Variants in ZFYVE26 observed in about 807,000 individuals in gnomAD.
ZFYVE26 encodes the protein zinc finger FYVE-type containing 26.
A neutral mutation model predicts 276.5 loss-of-function variants in ZFYVE26; 181 were observed. The ratio of observed to expected loss-of-function variants is 0.65; its 90% CI spans 0.58 to 0.74. The LOEUF is 0.74. ZFYVE26 is among the 30% of genes least tolerant of loss of function. ZFYVE26 has a pLI of 0.00. For synonymous variants in ZFYVE26, 1,129 were observed against 1,203.1 expected, an observed-to-expected ratio of 0.94 and a Z score of 1.27; for missense variants, 2,821 against 3,097.9, an observed-to-expected ratio of 0.91 and a Z score of 2.12.
At chr14:67,764,414 T>TCTCA (rs1328057357) in intron 32 of ZFYVE26, among the ~76,000 whole-genome samples, 2 of 152,136 alleles carry the variant, frequency 1.3e-5, no homozygotes, top group African/African-American at 4.8e-5. Context: ...AGAGACAGGG[T>TCTCA]CTCACTACAT....
chr14:67,810,104 C>A (rs2040269719), intron 3 of ZFYVE26, among the ~76,000 whole-genome samples: 1 of 152,156 alleles, frequency 6.6e-6, no homozygotes, highest in Non-Finnish European at 1.5e-5. Context: ...TCTTTATAAA[C>A]AAAAATAGCT....
chr14:67,753,940 T>C, intron 38 of ZFYVE26, 131 bp downstream of exon 38: 1 of 1,537,494 alleles, frequency 6.5e-7, no homozygotes, highest in Non-Finnish European at 9.0e-7. Context: ...CACCAGTCTT[T>C]GGTGGCTCAT....
rs530515248 is a variant in ZFYVE26, at chr14:67,748,318, C to T, written c.*118G>A. ...CAAGTAGGGTCCAATCCAACTCTTT[C>T]CAACCTAGGGCAGAGCCAGAGAAGT... is the stretch of plus-strand genomic sequence containing the variant. On this transcript the variant is annotated 3_prime_UTR_variant, in exon 42 of 42. Transcript: ENST00000347230. 4.5e-4 allele frequency: 541 copies of T among 1,214,154 alleles called. 6 individuals carry two copies. The South Asian group carries it at 5.6e-3, about 13-fold the overall frequency. The allele number at this position is 1,214,154 out of a possible 1,614,324, so 75.2% of individuals were successfully genotyped here. A position where few individuals can be genotyped will look rare whatever the true frequency, so the allele number is the denominator to read the frequency against.
chr14:67,752,300 A>G, intron 40 of ZFYVE26, 44 bp downstream of exon 40: 2 of 1,579,168 alleles, frequency 1.3e-6, no homozygotes, highest in Non-Finnish European at 1.7e-6. Flanking sequence ...ATGTGAAGAC[A>G]CTGAAATTGA....
intron 14 of ZFYVE26, among the ~76,000 whole-genome samples, chr14:67,791,377 G>A (rs1054426773): frequency 7.2e-5 from 11 of 152,126 alleles, no homozygotes; most frequent in African/African-American, 2.4e-4. Flanking sequence ...TACTTGATCA[G>A]ACTATTGTAA....
intron 35 of ZFYVE26, among the ~76,000 whole-genome samples, chr14:67,756,641 C>G (rs954751629): frequency 1.3e-5 from 2 of 152,182 alleles, no homozygotes; most frequent in South Asian, 4.1e-4. Context: ...GATTTTCTGT[C>G]TATGTCTTTG....
At chr14:67,792,037 G>A (rs1328302197) in intron 14 of ZFYVE26, among the ~76,000 whole-genome samples, 1 of 149,650 alleles carries the variant, frequency 6.7e-6, no homozygotes, top group Non-Finnish European at 1.5e-5. Context: ...TCCAGCCTGG[G>A]TGAGAAAGTG....
rs181698370 is a variant in ZFYVE26 at position 67,761,338 on chromosome 14, G to A, written c.6588+28C>T. The A allele has an allele frequency of 2.7e-4, 430 of 1,597,676 alleles. 4 individuals are homozygous for A. In the East Asian group the frequency reaches 8.0e-3, roughly 30 times the overall value. ...AAGCCAGAGGAGTAAGGCAGGCACT[G>A]CCTTTTTGAGCTGTGTCCATGTCCC... On this transcript the variant is annotated intron_variant, in intron 35 of 41. Coordinates refer to ENST00000347230, the MANE Select transcript of ZFYVE26 (RefSeq NM_015346.4).
chr14:67,775,097 G>A lies in ZFYVE26; in HGVS notation c.5239C>T (p.Gln1747Ter). 2 of 1,610,532 alleles carry A rather than the reference G, an allele frequency of 1.2e-6. No individual in the cohort carries two copies. The highest frequency in any genetic ancestry group is 1.7e-6 in the Non-Finnish European group (2 of 1,178,676). ...TCTGCAGCCTGGTGGACAATTTCTT[G>A]GAGGTGAATCACAGAATCTGTAGAG... ...EKRSDSVIHL[Q>*]EIVHQAADPE... The change falls in exon 27 of 42, where the codon CAA becomes TAA. Residue 1747 changes from glutamine to a stop codon, truncating the protein, a stop_gained. Transcript: ENST00000347230. LOFTEE classifies it high-confidence loss of function.
At chr14:67,803,333 G>A (rs992679057) in intron 9 of ZFYVE26, among the ~76,000 whole-genome samples, 32 of 152,192 alleles carry the variant, frequency 2.1e-4, no homozygotes, top group African/African-American at 6.7e-4. Context: ...CTTTGTTCCC[G>A]TTTCAGACAA....
downstream of ZFYVE26, among the ~76,000 whole-genome samples, chr14:67,742,217 T>C (rs1317994901): frequency 2.6e-5 from 4 of 152,054 alleles, no homozygotes; most frequent in African/African-American, 9.7e-5. Flanking sequence ...AGACAAAAAG[T>C]ATAGTAGAGG....
At chr14:67,741,024 T>C (rs2038410815) in intron 13 of ZFYVE26, among the ~76,000 whole-genome samples, 1 of 152,178 alleles carries the variant, frequency 6.6e-6, no homozygotes, top group African/African-American at 2.4e-5. Context: ...GACCCTCGAC[T>C]ACTGAAAATG....
At chr14:67,794,022 C>T in intron 13 of ZFYVE26, 149 bp downstream of exon 13, 1 of 950,046 alleles carries the variant, frequency 1.1e-6, no homozygotes, top group East Asian at 2.4e-5. Context: ...ATGAAACAGT[C>T]CTTTCCCTTC....
rs144416809 is a variant in ZFYVE26 at position 67,783,133 on chromosome 14, C to G, written c.4019G>C (p.Arg1340Pro). Reference sequence around the variant, plus strand: ...AGCCAGAGGCACCTCCCTGCGGCCACGAAGTTCCTTCCATGACAAGCTGGG... The same window carrying G: ...AGCCAGAGGCACCTCCCTGCGGCCAGGAAGTTCCTTCCATGACAAGCTGGG... ...SKPSLSWKEL[R>P]GRREVPLAAE... The change falls in exon 21 of 42, where the codon CGT (arginine) becomes CCT (proline). Residue 1340 changes from arginine to proline, a missense_variant. Coordinates refer to ENST00000347230, the MANE Select transcript of ZFYVE26 (RefSeq NM_015346.4). 1 of 1,608,074 alleles carries G rather than the reference C, an allele frequency of 6.2e-7. No individual in the cohort carries two copies. Among genetic ancestry groups the G allele is most frequent in the East Asian group, 2.2e-5 (1 of 44,792 alleles).
chr14:67,792,371 CTTG>C (rs1337452128), intron 14 of ZFYVE26, among the ~76,000 whole-genome samples: 5 of 152,084 alleles, frequency 3.3e-5, no homozygotes, highest in Non-Finnish European at 7.4e-5. Flanking sequence ...AGTTTAATAA[CTTG>C]TTATTAAGTT....
At chr14:67,737,542 C>G (rs886896710) in intron 13 of ZFYVE26, among the ~76,000 whole-genome samples, 1 of 152,166 alleles carries the variant, frequency 6.6e-6, no homozygotes, top group Admixed American at 6.5e-5. Context: ...TCAACTCCCA[C>G]CAGGTCCCTC....
In ZFYVE26 at chr14:67,772,100, G is replaced by A. The variant is rs1012956419; in HGVS notation, c.5431C>T (p.Pro1811Ser). ...ATGCAGATACTCTCAGTCTCATCCG[G>A]TACCCACTGGTGCCTGGCAGGGGGT... ...ATPPARHQWV[P>S]DETESICMVC... Residue 1811 changes from proline to serine, a missense_variant, in exon 28 of 42, where the codon CCG becomes TCG. By Grantham distance (74) the Pro-to-Ser change is moderately conservative. Coordinates refer to ENST00000347230, the MANE Select transcript of ZFYVE26 (RefSeq NM_015346.4). 19 of 1,612,534 alleles carry A rather than the reference G, an allele frequency of 1.2e-5. No individual in the cohort carries two copies. Among genetic ancestry groups the A allele is most frequent in the Non-Finnish European group, 1.5e-5 (18 of 1,179,590 alleles).
rs750071738 is a variant in ZFYVE26 at position 67,775,028 on chromosome 14, C to T, written c.5308G>A (p.Ala1770Thr). Residue 1770 changes from alanine (A) to threonine (T), a missense_variant, in exon 27 of 42, where the codon GCT becomes ACT. Coordinates refer to ENST00000347230, the MANE Select transcript of ZFYVE26 (RefSeq NM_015346.4). ...AGCCAGTTCTTACCAGGAGGAGCAG[C>T]AGGAGAGAACTCTGCTGATGGTGAT... ...PRSPSAEFSPAAPPGISSIHS... is the reference protein window; with the variant it reads ...PRSPSAEFSPTAPPGISSIHS... 4.3e-6 allele frequency: 7 copies of T among 1,610,566 alleles called. No individual in the cohort carries two copies. The South Asian group carries it at 5.6e-5, about 13-fold the overall frequency.
intron 13 of ZFYVE26, 63 bp from the exon 14 acceptor site, chr14:67,793,822 G>A: frequency 6.2e-7 from 1 of 1,606,158 alleles, no homozygotes; most frequent in East Asian, 2.2e-5. Flanking sequence ...ATGCTATATT[G>A]CTGCCACCTC....
Sources: allele counts gnomAD v4.1 joint callset (sites outside exome capture counted in the v4.1 genomes callset), GRCh38; gene constraint gnomAD v4.1.1; transcripts MANE v1.5; gene names NCBI Gene and HGNC (gene_info 2026-07-23, HGNC 2026-07-21).